The following CCDC47 variants were observed in gnomAD, a reference collection of about 807,000 sequenced individuals.
The protein encoded by CCDC47 is coiled-coil domain containing 47.
Under a neutral mutation model 60.5 loss-of-function variants are expected in CCDC47, and 41 were observed. The observed-to-expected ratio is 0.68, with a 90% CI of 0.53 to 0.88. The LOEUF is 0.88. CCDC47 is among the 40% of genes least tolerant of loss of function. The pLI is 0.00. For synonymous variants in CCDC47, 195 were observed against 190.7 expected (o/e 1.02, Z -0.18); for missense variants, 513 against 580.9 (o/e 0.88, Z 1.20).
At chr17:63,753,397 G>A (rs1436361674) in intron 9 of CCDC47, 2 of 198,368 alleles carry the variant, frequency 1.0e-5, no homozygotes, top group Non-Finnish European at 1.8e-5. Flanking sequence ...ACTGAGTTGA[G>A]CAAGACAAGG....
intron 12 of CCDC47, among the ~76,000 whole-genome samples, chr17:63,748,236 C>T (rs887130300): frequency 2.6e-5 from 4 of 151,776 alleles, no homozygotes; most frequent in Non-Finnish European, 4.4e-5. Flanking sequence ...CCTCAGCCCC[C>T]GGAGTAGGTG....
At chr17:63,765,874 T>C (rs2039293970) in intron 2 of CCDC47, 38 bp downstream of exon 2, 1 of 1,576,514 alleles carries the variant, frequency 6.3e-7, no homozygotes, top group Non-Finnish European at 8.6e-7. Context: ...AGGTGCTAGT[T>C]ACAAATTTTT....
In CCDC47 at chr17:63,752,329, G is replaced by A. The variant is rs2039173115; in HGVS notation, c.1194C>T (p.Leu398=). Reference sequence around the variant, plus strand: ...AGGCATTGGGTCTTACTTCTCTGTTGAGTCGGAACTTTTTGGCTTTATCAA... The same window carrying A: ...AGGCATTGGGTCTTACTTCTCTGTTAAGTCGGAACTTTTTGGCTTTATCAA... The part of the protein sequence containing the change: ...YSIDKAKKFR[L]NREGKQKADK... Residue 398 remains leucine, a synonymous_variant, in exon 11 of 13, where the codon CTC becomes CTT. Coordinates refer to ENST00000225726, the MANE Select transcript of CCDC47 (RefSeq NM_020198.3). The A allele has an allele frequency of 3.1e-6, 5 of 1,610,538 alleles. No individual in the cohort carries two copies. The African/African-American group carries it at 5.3e-5, about 17-fold the overall frequency.
At chr17:63,772,907 T>A (rs1456042784) in intron 1 of CCDC47, 1 of 152,280 alleles carries the variant, frequency 6.6e-6, no homozygotes, top group Admixed American at 6.5e-5. Context: ...ACACAAGCGC[T>A]AACAAGTCTG....
Position 63,758,893 on chromosome 17 carries a change from A to C in CCDC47, c.735+2021T>G, listed in dbSNP as rs1445980620. On this transcript the variant is annotated intron_variant, in intron 6 of 12. Coordinates refer to ENST00000225726, the MANE Select transcript of CCDC47 (RefSeq NM_020198.3). ...AAACCTTAAACAGAATTCCAAAAAA[A>C]GGGGCAAATAAAATATAAAGAGCCA... Among the ~76,000 whole-genome samples, 4 of 152,316 alleles carry C rather than the reference A, an allele frequency of 2.6e-5. No individual in the cohort carries two copies. The East Asian group carries it at 7.7e-4, about 29-fold the overall frequency.
chr17:63,756,891 G>A lies in CCDC47; in HGVS notation c.736-321C>T, dbSNP rs115849181. Reference sequence around the variant, plus strand: ...TGAAAGGGCTTATGGGAAGGTTGGCGGTAGGGCACATATGGTAAAGACCTA... The same window carrying A: ...TGAAAGGGCTTATGGGAAGGTTGGCAGTAGGGCACATATGGTAAAGACCTA... On this transcript the variant is annotated intron_variant, in intron 6 of 12. Transcript: ENST00000225726. Among the ~76,000 whole-genome samples the A allele has an allele frequency of 8.3e-3, 1,265 of 152,200 alleles. 20 individuals are homozygous for A. The highest frequency in any genetic ancestry group is 0.028 in the African/African-American group (1,183 of 41,530).
chr17:63,765,157 G>C (rs539877514), intron 2 of CCDC47: 4 of 119,614 alleles, frequency 3.3e-5, no homozygotes, highest in Non-Finnish European at 6.3e-5. Context: ...CACACACACG[G>C]AGGCAACTAT....
intron 12 of CCDC47, among the ~76,000 whole-genome samples, chr17:63,749,663 C>T (rs935866568): frequency 2.6e-4 from 39 of 151,918 alleles, no homozygotes; most frequent in Non-Finnish European, 7.4e-5. Context: ...GCAGAAGAAT[C>T]GCTTGAACCC....
At chr17:63,753,691 GA>G in intron 9 of CCDC47, 2 of 930,944 alleles carry the variant, frequency 2.1e-6, no homozygotes, top group Non-Finnish European at 2.6e-6. Flanking sequence ...TCTATGCTAG[GA>G]AAGGATACAA....
intron 6 of CCDC47, among the ~76,000 whole-genome samples, chr17:63,758,082 C>G (rs990044228): frequency 6.6e-6 from 1 of 152,166 alleles, no homozygotes; most frequent in Non-Finnish European, 1.5e-5. Flanking sequence ...ATGAAAGCTC[C>G]GAACGACTCC....
At chr17:63,760,665 C>T (rs950858457) in intron 6 of CCDC47, among the ~76,000 whole-genome samples, 5 of 151,870 alleles carry the variant, frequency 3.3e-5, no homozygotes, top group African/African-American at 1.2e-4. Context: ...ATGGTGAAAC[C>T]CTGACTCTAC....
At chr17:63,751,592 G>A (rs9911714) in intron 12 of CCDC47, among the ~76,000 whole-genome samples, 106,321 of 151,752 alleles carry the variant, frequency 0.7, 38,683 homozygotes, top group African/African-American at 0.92. Flanking sequence ...ATTTTACATA[G>A]CAAGTTTATT....
rs371894515 is a variant in CCDC47 at position 63,762,351 on chromosome 17, C to A, written c.548-1000G>T. 12 of 569,668 alleles carry A rather than the reference C, an allele frequency of 2.1e-5. No homozygotes were observed. The African/African-American group carries it at 2.2e-4, about 11-fold the overall frequency. The allele number at this position is 569,668 out of a possible 1,614,324, so 35.3% of individuals were successfully genotyped here. ...CTGAAATACTATGGTATAGTGGAGACGGGGTGGACTTTGCAAACAGGTAGA... is the reference window on the plus strand; with the variant it reads ...CTGAAATACTATGGTATAGTGGAGAAGGGGTGGACTTTGCAAACAGGTAGA... On this transcript the variant is annotated intron_variant, in intron 4 of 12. Transcript: ENST00000225726.
chr17:63,767,349 C>T (rs774673451), intron 1 of CCDC47, among the ~76,000 whole-genome samples: 6 of 151,978 alleles, frequency 3.9e-5, no homozygotes, highest in African/African-American at 9.7e-5. Flanking sequence ...TTTTCTAATA[C>T]GTGAAAAAAG....
rs2039168983 is a variant in CCDC47, at chr17:63,751,929, G to GA, written c.1371+10_1371+11insT. On this transcript the variant is annotated intron_variant, in intron 12 of 12. Coordinates refer to ENST00000225726, the MANE Select transcript of CCDC47 (RefSeq NM_020198.3). Reference sequence around the variant, plus strand: ...AATCGTAGTTTTACCCCAGTGATAAGTTTGTCTAACCTCCAGCCTGCGCTG... The same window carrying GA: ...AATCGTAGTTTTACCCCAGTGATAAGATTTGTCTAACCTCCAGCCTGCGCTG... 6.2e-7 allele frequency: 1 copy of GA among 1,613,382 alleles called. No homozygotes were observed. Among genetic ancestry groups the GA allele is most frequent in the Non-Finnish European group, 8.5e-7 (1 of 1,179,932 alleles).
intron 9 of CCDC47, 151 bp from the exon 10 acceptor site, chr17:63,752,950 C>T (rs574561533): frequency 7.4e-7 from 1 of 1,345,172 alleles, no homozygotes; most frequent in Non-Finnish European, 9.6e-7. Flanking sequence ...AATGAAGGAG[C>T]TTTACAGGTC....
intron 6 of CCDC47, among the ~76,000 whole-genome samples, chr17:63,759,272 T>C (rs540532375): frequency 7.3e-5 from 11 of 150,768 alleles, no homozygotes; most frequent in Admixed American, 2.0e-4. Context: ...GTGGATCACC[T>C]GAGGTCAGAA....
Position 63,773,419 on chromosome 17 carries a change from C to T in CCDC47, c.-27G>A, listed in dbSNP as rs1275776642. On this transcript the variant is annotated 5_prime_UTR_variant, in exon 1 of 13. Coordinates refer to ENST00000225726, the MANE Select transcript of CCDC47 (RefSeq NM_020198.3). ...TCCTGGCCCGCTCCTTACCTGTGGC[C>T]GAAGCCGAAACCCGGCCCAGCGCCC... 6.6e-6 allele frequency: 1 copy of T among 152,394 alleles called. No individual in the cohort carries two copies. The highest frequency in any genetic ancestry group is 1.5e-5 in the Non-Finnish European group (1 of 68,166). 9.4% of individuals were successfully genotyped at this position (152,394 alleles called of 1,614,324 possible).
chr17:63,752,931 G>A, intron 9 of CCDC47, 132 bp from the exon 10 acceptor site: 2 of 1,364,706 alleles, frequency 1.5e-6, no homozygotes, highest in Non-Finnish European at 1.9e-6. Context: ...GCATACCCAA[G>A]TCAAATATAA....
Sources: gnomAD v4.1 joint callset for allele counts (sites outside exome capture counted in the v4.1 genomes callset) on GRCh38, gnomAD v4.1.1 for gene constraint, MANE v1.5 for transcripts, NCBI Gene and HGNC (gene_info 2026-07-23, HGNC 2026-07-21) for gene names.